NAV2: variants seen among roughly 807,000 people sequenced by gnomAD.
NAV2 encodes the protein neuron navigator 2.
In NAV2, 54 loss-of-function variants were observed where a neutral mutation model predicts 223.2. The ratio of observed to expected loss-of-function variants is 0.24; its 90% CI spans 0.19 to 0.30. The LOEUF (loss-of-function observed/expected upper bound fraction) is 0.30. NAV2 is among the 10% of genes least tolerant of loss of function. The pLI is 1.00. For missense variants in NAV2, 2,806 were observed against 3,147.5 expected (o/e 0.89, Z 2.60); for synonymous variants, 1,279 against 1,239.3 (o/e 1.03, Z -0.67).
chr11:20,090,911 C>A lies in NAV2; in HGVS notation c.5545C>A (p.Arg1849=). 1 of 1,613,954 alleles carries A rather than the reference C, an allele frequency of 6.2e-7. No homozygotes were observed. Among genetic ancestry groups the A allele is most frequent in the Non-Finnish European group, 8.5e-7 (1 of 1,179,892 alleles). Residue 1849 remains arginine, a synonymous_variant, in exon 27 of 38, where the codon CGA becomes AGA. Transcript: ENST00000349880. ...DSEAETVMQL[R]NELRDKEMKL... Reference sequence around the variant, plus strand: ...TGAAGCTGAGACCGTCATGCAGCTCCGAAATGAGTTAAGAGACAAGGAGAT... The same window carrying A: ...TGAAGCTGAGACCGTCATGCAGCTCAGAAATGAGTTAAGAGACAAGGAGAT...
chr11:19,930,999 T>C (rs889872817), intron 6 of NAV2, among the ~76,000 whole-genome samples: 3 of 152,264 alleles, frequency 2.0e-5, no homozygotes, highest in African/African-American at 7.2e-5. Flanking sequence ...AGGAGGTAGC[T>C]ATGACACCAT....
chr11:19,882,380 CA>C (rs1170569544), intron 5 of NAV2, among the ~76,000 whole-genome samples: 1 of 152,184 alleles, frequency 6.6e-6, no homozygotes, highest in African/African-American at 2.4e-5. Flanking sequence ...CTGGTTTGAA[CA>C]GTTAAGTAAG....
intron 10 of NAV2, among the ~76,000 whole-genome samples, chr11:19,953,858 C>CGTGTGT (rs373382653): frequency 2.1e-3 from 322 of 150,618 alleles, no homozygotes; most frequent in Middle Eastern, 3.4e-3. Flanking sequence ...CACGCGCGCG[C>CGTGTGT]GTGTGTGTGT....
rs114957544 is a variant in NAV2 at position 19,704,261 on chromosome 11, T to C, written c.76-128223T>C. Among the ~76,000 whole-genome samples the C allele has an allele frequency of 3.5e-3, 535 of 152,262 alleles. 2 individuals are homozygous for C. Among genetic ancestry groups the C allele is most frequent in the African/African-American group, 0.012 (516 of 41,568 alleles). ...CTGGGTGACTACCAAACCTTTCCAC[T>C]CATTTCCTCAACTTAAAATGGACTC... On this transcript the variant is annotated intron_variant, in intron 1 of 37. Transcript: ENST00000360655.
At chr11:19,871,242 A>AT (rs1318834653) in intron 4 of NAV2, among the ~76,000 whole-genome samples, 1 of 152,160 alleles carries the variant, frequency 6.6e-6, no homozygotes. Context: ...AGTTGTTACA[A>AT]TTACTTGATG....
chr11:20,093,321 A>T (rs1394479117), intron 29 of NAV2, 122 bp downstream of exon 29: 6 of 677,668 alleles, frequency 8.9e-6, no homozygotes, highest in African/African-American at 1.8e-5. Context: ...AATACTACTA[A>T]CCCTTCTCTT....
At chr11:19,821,187 G>T (rs1236463186) in intron 1 of NAV2, among the ~76,000 whole-genome samples, 1 of 150,710 alleles carries the variant, frequency 6.6e-6, no homozygotes. Context: ...GTGTGAACCC[G>T]GGAGGCGGAG....
At chr11:19,585,172 G>T (rs1424154755) in intron 1 of NAV2, among the ~76,000 whole-genome samples, 1 of 152,116 alleles carries the variant, frequency 6.6e-6, no homozygotes, top group African/African-American at 2.4e-5. Context: ...TTGGTTTAAA[G>T]TCTGTTTTAT....
intron 1 of NAV2, among the ~76,000 whole-genome samples, chr11:19,651,489 C>T (rs2047966923): frequency 6.6e-6 from 1 of 152,222 alleles, no homozygotes; most frequent in South Asian, 2.1e-4. Context: ...CCCCACCGGG[C>T]CACATGGCTG....
intron 1 of NAV2, among the ~76,000 whole-genome samples, chr11:19,725,931 G>A (rs560514896): frequency 2.0e-5 from 3 of 152,332 alleles, no homozygotes; most frequent in South Asian, 4.1e-4. Context: ...GGATTGTGAG[G>A]AAGCAGGCCA....
chr11:19,644,339 T>C (rs1200801352), intron 1 of NAV2, among the ~76,000 whole-genome samples: 1 of 152,272 alleles, frequency 6.6e-6, no homozygotes, highest in Non-Finnish European at 1.5e-5. Context: ...TGTCTCTATT[T>C]GGGACCATTT....
intron 1 of NAV2, among the ~76,000 whole-genome samples, chr11:19,678,098 C>T (rs922492545): frequency 2.9e-4 from 44 of 152,316 alleles, no homozygotes; most frequent in Admixed American, 6.5e-4. Context: ...CGAGGGGATG[C>T]TGACCAAGAA....
intron 12 of NAV2, among the ~76,000 whole-genome samples, chr11:20,041,057 A>T (rs2056872865): frequency 6.6e-6 from 1 of 152,146 alleles, no homozygotes; most frequent in Non-Finnish European, 1.5e-5. Flanking sequence ...CCACTGATGG[A>T]AATGGAGTTG....
rs558660181 is a variant in NAV2, at chr11:19,358,341, A to G, written c.75+7314A>G. ...GCAGAGGCAAATATGGGACTGGGAC[A>G]GGTGGCTGAAGAAGCCAAGTCAGGG... On this transcript the variant is annotated intron_variant, in intron 1 of 37. Coordinates refer to the NAV2 transcript ENST00000360655. 2.5e-3 allele frequency among the ~76,000 whole-genome samples: 386 copies of G among 152,320 alleles called. 2 individuals carry two copies. The highest frequency in any genetic ancestry group is 0.024 in the Middle Eastern group (7 of 294).
intron 30 of NAV2, among the ~76,000 whole-genome samples, chr11:20,096,171 C>T (rs2061250690): frequency 1.3e-5 from 2 of 152,182 alleles, no homozygotes; most frequent in Admixed American, 1.3e-4. Flanking sequence ...GGGATTTGAT[C>T]TGATTTTCCC....
chr11:19,528,281 A>G (rs145867150), intron 1 of NAV2, among the ~76,000 whole-genome samples: 5 of 152,298 alleles, frequency 3.3e-5, no homozygotes, highest in African/African-American at 1.2e-4. Context: ...ATCAGCCATC[A>G]TGGACCCTGG....
At chr11:20,109,762 G>T (rs1376167944) in intron 36 of NAV2, among the ~76,000 whole-genome samples, 2 of 152,204 alleles carry the variant, frequency 1.3e-5, no homozygotes, top group Non-Finnish European at 2.9e-5. Context: ...TCTAAATGTG[G>T]TCTTCTGGTG....
chr11:19,962,368 A>G (rs1426424746), intron 10 of NAV2, among the ~76,000 whole-genome samples: 2 of 152,046 alleles, frequency 1.3e-5, no homozygotes, highest in African/African-American at 4.8e-5. Context: ...CTAGTGTTTG[A>G]CCAAATATCT....
At chr11:19,972,346 C>T (rs916521672) in intron 10 of NAV2, among the ~76,000 whole-genome samples, 1 of 152,208 alleles carries the variant, frequency 6.6e-6, no homozygotes, top group Non-Finnish European at 1.5e-5. Flanking sequence ...GCTGTCATGT[C>T]TGCTGTTCTT....
Sources: gnomAD v4.1 joint callset for allele counts (sites outside exome capture counted in the v4.1 genomes callset) on GRCh38, gnomAD v4.1.1 for gene constraint, MANE v1.5 for transcripts, NCBI Gene and HGNC (gene_info 2026-07-23, HGNC 2026-07-21) for gene names.